Variants in FBP1 observed in about 807,000 individuals in gnomAD.
The protein encoded by FBP1 is fructose-1,6-bisphosphatase 1.
FBP1 carries 22 observed loss-of-function variants against 29.9 expected under a neutral mutation model. That is an observed-to-expected ratio of 0.74 (90% confidence interval 0.53 to 1.05). FBP1 has a LOEUF of 1.05. Ranked by LOEUF, FBP1 falls within the 50% of genes least tolerant of loss-of-function variation. The pLI, the probability that FBP1 is intolerant of heterozygous loss-of-function variation, is 0.00. For synonymous variants in FBP1, 175 were observed against 178.6 expected, an observed-to-expected ratio of 0.98 and a Z score of 0.16; for missense variants, 345 against 448.2, an observed-to-expected ratio of 0.77 and a Z score of 2.08.
At chr9:94,615,543 AT>A (rs1204798494) in intron 3 of FBP1, among the ~76,000 whole-genome samples, 2 of 152,336 alleles carry the variant, frequency 1.3e-5, no homozygotes. Flanking sequence ...GGAAAATTGC[AT>A]TCTTCCATGT....
intron 3 of FBP1, among the ~76,000 whole-genome samples, chr9:94,610,800 T>C (rs1827772217): frequency 1.3e-5 from 2 of 152,092 alleles, no homozygotes; most frequent in Non-Finnish European, 2.9e-5. Flanking sequence ...TTTCTAACAC[T>C]AGGGAAGGGA....
intron 3 of FBP1, among the ~76,000 whole-genome samples, chr9:94,611,730 G>A (rs1011843443): frequency 6.6e-5 from 10 of 152,296 alleles, no homozygotes; most frequent in African/African-American, 1.7e-4. Context: ...ATGCCTGGGT[G>A]ACAGAATGAG....
At chr9:94,634,019 C>T (rs571400148) in intron 1 of FBP1, among the ~76,000 whole-genome samples, 6 of 150,624 alleles carry the variant, frequency 4.0e-5, no homozygotes, top group African/African-American at 7.3e-5. Flanking sequence ...TCAGACCGGG[C>T]GCAGTGGCTC....
intron 4 of FBP1, 79 bp downstream of exon 4, chr9:94,609,842 C>G: frequency 6.6e-7 from 1 of 1,514,428 alleles, no homozygotes; most frequent in Middle Eastern, 2.2e-4. Context: ...CTCCACATAC[C>G]CCTGCCAATC....
At chr9:94,638,099 A>C (rs538106496) in intron 1 of FBP1, among the ~76,000 whole-genome samples, 1 of 86,348 alleles carries the variant, frequency 1.2e-5, no homozygotes, top group Admixed American at 1.1e-4. Context: ...AAAAAAAAAA[A>C]AAAAGAAAAG....
chr9:94,603,441 C>T lies in FBP1; in HGVS notation c.957G>A (p.Leu319=), dbSNP rs202104293. 7 of 1,613,946 alleles carry T rather than the reference C, an allele frequency of 4.3e-6. No individual in the cohort carries two copies. Among genetic ancestry groups the T allele is most frequent in the Non-Finnish European group, 5.9e-6 (7 of 1,179,984 alleles). ...TDIHQRAPVI[L]GSPDDVLEFL... is the part of the protein sequence containing the mutation. ...ACTCGAGCACGTCGTCGGGGGATCCCAAGATCACCGGCGCCCTCTGGTGAA... is the reference window on the plus strand; with the variant it reads ...ACTCGAGCACGTCGTCGGGGGATCCTAAGATCACCGGCGCCCTCTGGTGAA... Residue 319 remains leucine, a synonymous_variant, in exon 7 of 7, where the codon TTG becomes TTA. Transcript: ENST00000375326.
chr9:94,613,580 C>A (rs1827817298), intron 3 of FBP1, among the ~76,000 whole-genome samples: 1 of 152,018 alleles, frequency 6.6e-6, no homozygotes, highest in South Asian at 2.1e-4. Flanking sequence ...GCCTGGGAAA[C>A]ATAGCGAGAC....
intron 3 of FBP1, among the ~76,000 whole-genome samples, chr9:94,610,356 C>G (rs1345232096): frequency 6.6e-6 from 1 of 152,208 alleles, no homozygotes; most frequent in Non-Finnish European, 1.5e-5. Context: ...AAGAGCATGC[C>G]TTCTTGCCAG....
intron 1 of FBP1, among the ~76,000 whole-genome samples, chr9:94,637,699 GT>G (rs1828212704): frequency 6.6e-6 from 1 of 152,108 alleles, no homozygotes; most frequent in Non-Finnish European, 1.5e-5. Context: ...CCCATCATGT[GT>G]CATTTTTATA....
intron 4 of FBP1, among the ~76,000 whole-genome samples, chr9:94,607,933 C>A (rs1827724717): frequency 6.6e-6 from 1 of 152,148 alleles, no homozygotes; most frequent in African/African-American, 2.4e-5. Context: ...TTCTTTCTTA[C>A]TTTTATGCCT....
intron 2 of FBP1, 103 bp downstream of exon 2, chr9:94,620,226 G>C: frequency 1.7e-6 from 2 of 1,164,252 alleles, no homozygotes; most frequent in Admixed American, 3.5e-5. Flanking sequence ...GGATCTAGAG[G>C]GACTCCCAGA....
intron 3 of FBP1, among the ~76,000 whole-genome samples, chr9:94,617,356 C>T (rs915872278): frequency 6.6e-6 from 1 of 152,102 alleles, no homozygotes; most frequent in African/African-American, 2.4e-5. Flanking sequence ...GGACTCAGCC[C>T]GGGGCTCATA....
rs542533498 is a variant in FBP1, at chr9:94,610,636, T to C, written c.427-575A>G. Among the ~76,000 whole-genome samples the C allele has an allele frequency of 5.7e-4, 87 of 152,238 alleles. 1 individual carries two copies. Among genetic ancestry groups the C allele is most frequent in the Non-Finnish European group, 2.4e-4 (16 of 68,038 alleles). ...ATGCTGTCCAGTGTTTTAACCGTGATGCATGGGAAGAAGCACATTTTACAT... is the reference window on the plus strand; with the variant it reads ...ATGCTGTCCAGTGTTTTAACCGTGACGCATGGGAAGAAGCACATTTTACAT... On this transcript the variant is annotated intron_variant, in intron 3 of 6. Coordinates refer to ENST00000375326, the MANE Select transcript of FBP1 (RefSeq NM_000507.4).
At chr9:94,630,653 G>A (rs1587866301) in intron 1 of FBP1, among the ~76,000 whole-genome samples, 1 of 152,180 alleles carries the variant, frequency 6.6e-6, no homozygotes, top group Non-Finnish European at 1.5e-5. Flanking sequence ...AAAGTGCCTG[G>A]TGCATAGGCA....
At position 94,630,425 on chromosome 9, in the gene FBP1, C is replaced by T. The variant is rs138092591; in HGVS notation, c.170+8716G>A. On this transcript the variant is annotated intron_variant, in intron 1 of 6. Transcript: ENST00000375326. The stretch of plus-strand genomic sequence containing the variant: ...TAGACAAATGCAATGGCCTTTCACC[C>T]GGTTCCTCAGGAAACTAGAGTGTAA... Among the ~76,000 whole-genome samples the T allele has an allele frequency of 6.6e-5, 10 of 152,270 alleles. No homozygotes were observed. In the East Asian group the frequency reaches 1.5e-3, roughly 24 times the overall value.
intron 2 of FBP1, among the ~76,000 whole-genome samples, chr9:94,618,459 A>T (rs1362549640): frequency 3.7e-3 from 5 of 1,350 alleles, no homozygotes; most frequent in Admixed American, 0.012. Flanking sequence ...CTTCTGTAAA[A>T]AAAAAAAAAA....
intron 1 of FBP1, among the ~76,000 whole-genome samples, chr9:94,637,030 G>A (rs1319297508): frequency 6.6e-6 from 1 of 152,010 alleles, no homozygotes; most frequent in Non-Finnish European, 1.5e-5. Flanking sequence ...GTCCTCAAAG[G>A]CAGTTAAAGC....
At chr9:94,623,759 C>T (rs939481928) in intron 1 of FBP1, among the ~76,000 whole-genome samples, 2 of 152,202 alleles carry the variant, frequency 1.3e-5, no homozygotes, top group Admixed American at 1.3e-4. Flanking sequence ...ACCTGCTGTG[C>T]ACGGGGAACC....
chr9:94,622,851 G>A (rs1386292124), intron 1 of FBP1, among the ~76,000 whole-genome samples: 1 of 152,180 alleles, frequency 6.6e-6, no homozygotes, highest in Non-Finnish European at 1.5e-5. Flanking sequence ...GCCAAAATCT[G>A]GGAGGCCAGA....
Sources: gnomAD v4.1 joint callset for allele counts (sites outside exome capture counted in the v4.1 genomes callset) on GRCh38, gnomAD v4.1.1 for gene constraint, MANE v1.5 for transcripts, NCBI Gene and HGNC (gene_info 2026-07-23, HGNC 2026-07-21) for gene names.